Variants in TLN2 observed in about 807,000 individuals in gnomAD.
TLN2 encodes the protein talin-2.
Under a neutral mutation model 294.7 loss-of-function variants are expected in TLN2, and 118 were observed. The observed-to-expected ratio is 0.40, with a 90% CI of 0.34 to 0.47. TLN2 has a LOEUF of 0.47. Ranked by LOEUF, TLN2 falls within the 20% of genes least tolerant of loss-of-function variation. The pLI, the probability that TLN2 is intolerant of heterozygous loss-of-function variation, is 0.84. For synonymous variants in TLN2, 1,431 were observed against 1,304.5 expected (o/e 1.10, Z -2.09); for missense variants, 3,083 against 3,282.2 (o/e 0.94, Z 1.48).
intron 28 of TLN2, among the ~76,000 whole-genome samples, chr15:62,730,029 CTTT>C (rs11368681): frequency 2.5e-5 from 3 of 121,172 alleles, no homozygotes; most frequent in Admixed American, 9.7e-5. Flanking sequence ...TTATTGTTGT[CTTT>C]TTTTTTTTTT....
intron 1 of TLN2, among the ~76,000 whole-genome samples, chr15:62,434,408 G>A (rs974088931): frequency 1.3e-5 from 2 of 151,888 alleles, no homozygotes; most frequent in African/African-American, 4.8e-5. Flanking sequence ...ATTCCATTTC[G>A]TCTTTTAACT....
intron 1 of TLN2, among the ~76,000 whole-genome samples, chr15:62,445,570 T>C (rs944595301): frequency 6.6e-6 from 1 of 152,194 alleles, no homozygotes; most frequent in African/African-American, 2.4e-5. Flanking sequence ...AGTAAAATGC[T>C]GAAACTATTA....
At chr15:62,774,532 A>G (rs2063565524) in intron 42 of TLN2, among the ~76,000 whole-genome samples, 1 of 152,120 alleles carries the variant, frequency 6.6e-6, no homozygotes, top group Non-Finnish European at 1.5e-5. Context: ...TAAAGATGAG[A>G]CTTGCCTTTG....
At chr15:62,596,721 A>G (rs1364237202) in intron 2 of TLN2, among the ~76,000 whole-genome samples, 1 of 150,516 alleles carries the variant, frequency 6.6e-6, no homozygotes, top group Non-Finnish European at 1.5e-5. Flanking sequence ...AGCCTGGGCA[A>G]CAGAGCAAGA....
At chr15:62,838,041 T>TAAAAATA (rs1234035895) in intron 57 of TLN2, 3 of 152,212 alleles carry the variant, frequency 2.0e-5, no homozygotes, top group African/African-American at 7.2e-5. Flanking sequence ...TCATGAGCAT[T>TAAAAATA]AAAAATAAGC....
At chr15:62,733,095 G>T (rs543482505) in intron 28 of TLN2, among the ~76,000 whole-genome samples, 1 of 152,304 alleles carries the variant, frequency 6.6e-6, no homozygotes, top group Admixed American at 6.5e-5. Flanking sequence ...CAGCTTATCA[G>T]TTGTAATCCT....
chr15:62,609,646 G>A (rs117283496), intron 2 of TLN2, among the ~76,000 whole-genome samples: 2,674 of 152,276 alleles, frequency 0.018, 40 homozygotes, highest in Middle Eastern at 0.031. Context: ...GGGATACCAT[G>A]TTCTTTTTGC....
intron 3 of TLN2, among the ~76,000 whole-genome samples, chr15:62,621,620 A>C (rs958724864): frequency 6.6e-6 from 1 of 152,212 alleles, no homozygotes; most frequent in Non-Finnish European, 1.5e-5. Context: ...AAGGGGTGGC[A>C]GAGGTACTTA....
chr15:62,633,075 A>G (rs1270029429), intron 3 of TLN2, among the ~76,000 whole-genome samples: 1 of 152,238 alleles, frequency 6.6e-6, no homozygotes, highest in African/African-American at 2.4e-5. Flanking sequence ...TGTAGCATCA[A>G]TCATATCCTA....
chr15:62,659,408 G>C (rs186023697), intron 9 of TLN2, among the ~76,000 whole-genome samples: 1 of 152,186 alleles, frequency 6.6e-6, no homozygotes, highest in Admixed American at 6.5e-5. Context: ...GGATTACAAG[G>C]TGCTTTGGTC....
intron 1 of TLN2, among the ~76,000 whole-genome samples, chr15:62,437,604 A>C (rs376143220): frequency 6.6e-6 from 1 of 152,244 alleles, no homozygotes; most frequent in East Asian, 1.9e-4. Flanking sequence ...AAGAGTCATA[A>C]TCATAGTACT....
intron 1 of TLN2, among the ~76,000 whole-genome samples, chr15:62,460,028 G>T (rs1323883913): frequency 6.6e-6 from 1 of 152,170 alleles, no homozygotes; most frequent in East Asian, 1.9e-4. Flanking sequence ...AGCTCTGTAG[G>T]CTCTGAGCAG....
At chr15:62,403,488 C>T (rs1200776795) in intron 1 of TLN2, among the ~76,000 whole-genome samples, 1 of 152,218 alleles carries the variant, frequency 6.6e-6, no homozygotes, top group Non-Finnish European at 1.5e-5. Context: ...CTGCCTTGGC[C>T]TCCCGAAGTG....
chr15:62,500,429 A>G (rs1388429919), intron 1 of TLN2, among the ~76,000 whole-genome samples: 1 of 152,186 alleles, frequency 6.6e-6, no homozygotes, highest in African/African-American at 2.4e-5. Context: ...ACAAATATTC[A>G]TTGTCTCCAG....
intron 1 of TLN2, among the ~76,000 whole-genome samples, chr15:62,571,883 T>C (rs1460189806): frequency 6.6e-6 from 1 of 152,190 alleles, no homozygotes; most frequent in Admixed American, 6.5e-5. Flanking sequence ...TATTAAACAT[T>C]TGTTGTATTT....
intron 51 of TLN2, among the ~76,000 whole-genome samples, chr15:62,807,880 A>G (rs1347423100): frequency 1.3e-5 from 2 of 152,198 alleles, no homozygotes; most frequent in African/African-American, 4.8e-5. Flanking sequence ...TAGCGAACTC[A>G]CTAACATTTC....
chr15:62,658,778 C>T (rs910704811), intron 9 of TLN2, among the ~76,000 whole-genome samples: 5 of 152,208 alleles, frequency 3.3e-5, no homozygotes, highest in Non-Finnish European at 4.4e-5. Context: ...CTATCGAAGG[C>T]CATGTGCACA....
intron 1 of TLN2, among the ~76,000 whole-genome samples, chr15:62,497,729 T>A (rs1430452725): frequency 6.6e-6 from 1 of 152,206 alleles, no homozygotes; most frequent in Non-Finnish European, 1.5e-5. Context: ...TTAGTAGAAC[T>A]TTAAGCAATT....
At chr15:62,395,041 T>G (rs1038195243) in intron 1 of TLN2, among the ~76,000 whole-genome samples, 13 of 152,168 alleles carry the variant, frequency 8.5e-5, no homozygotes, top group African/African-American at 3.1e-4. Context: ...CTTTTTACTC[T>G]TTTAGCTGCA....
Sources: gnomAD v4.1 joint callset for allele counts (sites outside exome capture counted in the v4.1 genomes callset) on GRCh38, gnomAD v4.1.1 for gene constraint, MANE v1.5 for transcripts, NCBI Gene and HGNC (gene_info 2026-07-23, HGNC 2026-07-21) for gene names.